Variants in CDH13 observed in about 807,000 individuals in gnomAD.
CDH13 encodes the protein cadherin-13.
A neutral mutation model predicts 63.8 loss-of-function variants in CDH13; 24 were observed. The ratio of observed to expected loss-of-function variants is 0.38; its 90% CI spans 0.27 to 0.53. The LOEUF (loss-of-function observed/expected upper bound fraction) is 0.53, where lower values mean the gene tolerates loss of function less well. CDH13 is among the 20% of genes least tolerant of loss of function. CDH13 has a pLI of 0.85. For synonymous variants in CDH13, 503 were observed against 355.3 expected (o/e 1.42, Z -4.67); for missense variants, 1,049 against 903.1 (o/e 1.16, Z -2.07).
chr16:83,546,144 G>T (rs1180110888), intron 7 of CDH13, among the ~76,000 whole-genome samples: 1 of 152,166 alleles, frequency 6.6e-6, no homozygotes, highest in Non-Finnish European at 1.5e-5. Context: ...GTGAGGTGAG[G>T]TTTGGGCTAA....
At position 82,919,683 on chromosome 16, in the gene CDH13, A is replaced by G. The variant is rs950247023; in HGVS notation, c.157+61210A>G. On this transcript the variant is annotated intron_variant, in intron 2 of 13. Transcript: ENST00000567109. ...GTGAACATATGTGTGCATGTGGCCAACATTTTAAAAGAAATGGAGAAGGTA... is the reference window on the plus strand; with the variant it reads ...GTGAACATATGTGTGCATGTGGCCAGCATTTTAAAAGAAATGGAGAAGGTA... Among the ~76,000 whole-genome samples the G allele has an allele frequency of 3.3e-5, 5 of 152,294 alleles. No homozygotes were observed. In the South Asian group the frequency reaches 6.2e-4, roughly 19 times the overall value.
At chr16:83,074,707 C>T (rs1260203254) in intron 3 of CDH13, among the ~76,000 whole-genome samples, 1 of 152,132 alleles carries the variant, frequency 6.6e-6, no homozygotes, top group African/African-American at 2.4e-5. Flanking sequence ...TCTTTGGAGC[C>T]TTCCTTCATA....
chr16:82,659,264 T>G (rs1243469507), intron 1 of CDH13, among the ~76,000 whole-genome samples: 1 of 152,214 alleles, frequency 6.6e-6, no homozygotes, highest in Admixed American at 6.5e-5. Context: ...TTTAGAATGC[T>G]TGCCAGCAGC....
chr16:83,670,521 C>A (rs1914405393), intron 8 of CDH13, among the ~76,000 whole-genome samples: 1 of 151,074 alleles, frequency 6.6e-6, no homozygotes, highest in African/African-American at 2.5e-5. Context: ...CACAGCTGTT[C>A]TTTTCACCCT....
intron 2 of CDH13, among the ~76,000 whole-genome samples, chr16:83,013,376 C>T (rs1208078809): frequency 6.6e-6 from 1 of 152,196 alleles, no homozygotes; most frequent in Non-Finnish European, 1.5e-5. Flanking sequence ...AGTTCAGCTC[C>T]TGGATTCAGC....
At chr16:82,750,781 A>AT (rs72165832) in intron 1 of CDH13, among the ~76,000 whole-genome samples, 24,998 of 150,744 alleles carry the variant, frequency 0.17, 2,353 homozygotes, top group East Asian at 0.44. Context: ...GCTTAAGCTG[A>AT]TTTTTTTTTT....
chr16:83,231,310 G>C (rs543325238), intron 5 of CDH13, among the ~76,000 whole-genome samples: 1 of 152,340 alleles, frequency 6.6e-6, no homozygotes, highest in South Asian at 2.1e-4. Context: ...TACTGAAAGA[G>C]CATCTGTGCG....
chr16:83,778,454 G>C (rs247398), intron 11 of CDH13, among the ~76,000 whole-genome samples: 122,560 of 151,512 alleles, frequency 0.81, 49,620 homozygotes, highest in Admixed American at 0.84. Context: ...CACTTGAACC[G>C]AGGAGGCAGA....
chr16:83,599,824 T>C (rs1313902307), intron 7 of CDH13, among the ~76,000 whole-genome samples: 1 of 152,170 alleles, frequency 6.6e-6, no homozygotes, highest in East Asian at 1.9e-4. Context: ...TAAGTAACAA[T>C]GTTTTATGAC....
chr16:83,336,366 A>G (rs1003764405), intron 5 of CDH13, among the ~76,000 whole-genome samples: 3 of 152,150 alleles, frequency 2.0e-5, no homozygotes, highest in East Asian at 3.9e-4. Context: ...TGTGACTTAT[A>G]GACGGGTTCC....
At chr16:83,382,984 A>G (rs1356487848) in intron 6 of CDH13, 1 of 152,274 alleles carries the variant, frequency 6.6e-6, no homozygotes, top group African/African-American at 2.4e-5. Flanking sequence ...TTATCCAGTC[A>G]AAAATCTTGA....
intron 5 of CDH13, among the ~76,000 whole-genome samples, chr16:83,265,596 C>T (rs1175310917): frequency 1.3e-5 from 2 of 151,434 alleles, no homozygotes; most frequent in African/African-American, 2.4e-5. Flanking sequence ...TTTTTTTGTT[C>T]TCTCAATGTT....
At chr16:83,570,810 ATATTTATAAATATAAATAAAAATTTAT>A (rs1449168990) in intron 7 of CDH13, among the ~76,000 whole-genome samples, 18 of 135,176 alleles carry the variant, frequency 1.3e-4, no homozygotes, top group African/African-American at 4.4e-4. Flanking sequence ...ATAAATATAT[ATATTTATAAATATAAATAAAAATTTAT>A]ATTTTTATAT....
rs905771936 is a variant in CDH13, at chr16:83,797,890, G to T, written c.*2860G>T. On this transcript the variant is annotated 3_prime_UTR_variant, in exon 14 of 14. Transcript: ENST00000567109. ...ATAAATTAATTATTTTGGATAATTT[G>T]TTTTAATAAGAATATGCACACATTT... is the stretch of plus-strand genomic sequence containing the variant. 1 of 152,122 alleles carries T rather than the reference G, an allele frequency of 6.6e-6. No individual in the cohort carries two copies. Among genetic ancestry groups the T allele is most frequent in the Non-Finnish European group, 1.5e-5 (1 of 68,020 alleles). 9.4% of individuals were successfully genotyped at this position (152,122 alleles called of 1,614,324 possible).
intron 1 of CDH13, among the ~76,000 whole-genome samples, chr16:82,662,120 C>G (rs956217987): frequency 6.6e-6 from 1 of 151,742 alleles, no homozygotes; most frequent in Non-Finnish European, 1.5e-5. Context: ...ATGGAGTATT[C>G]TCCATATTCT....
chr16:83,715,055 T>A (rs1171561346), intron 10 of CDH13, among the ~76,000 whole-genome samples: 71 of 152,052 alleles, frequency 4.7e-4, no homozygotes, highest in Non-Finnish European at 8.8e-5. Flanking sequence ...AGAGTAAGAG[T>A]TTTATTGCTA....
At chr16:83,650,515 C>A (rs996545951) in intron 8 of CDH13, among the ~76,000 whole-genome samples, 1 of 152,186 alleles carries the variant, frequency 6.6e-6, no homozygotes, top group Non-Finnish European at 1.5e-5. Context: ...ACACACACAT[C>A]TTAGCTGGAT....
intron 2 of CDH13, among the ~76,000 whole-genome samples, chr16:83,025,704 C>G (rs917594333): frequency 6.6e-5 from 10 of 152,178 alleles, no homozygotes; most frequent in South Asian, 2.1e-4. Flanking sequence ...GCTTAGAAAC[C>G]TACCCTTAAA....
chr16:83,436,213 A>G (rs2072297845), intron 6 of CDH13, among the ~76,000 whole-genome samples: 1 of 152,252 alleles, frequency 6.6e-6, no homozygotes, highest in African/African-American at 2.4e-5. Flanking sequence ...GAACAATGCA[A>G]CAAATGACTC....
Sources: gnomAD v4.1 joint callset for allele counts (sites outside exome capture counted in the v4.1 genomes callset) on GRCh38, gnomAD v4.1.1 for gene constraint, MANE v1.5 for transcripts, NCBI Gene and HGNC (gene_info 2026-07-23, HGNC 2026-07-21) for gene names.